Variants in CCSER1 observed in about 807,000 individuals in gnomAD.
CCSER1 encodes coiled-coil serine rich protein 1.
CCSER1 carries 41 observed loss-of-function variants against 82.0 expected under a neutral mutation model. The ratio of observed to expected loss-of-function variants is 0.50; its 90% confidence interval spans 0.39 to 0.65. The LOEUF (loss-of-function observed/expected upper bound fraction) is 0.65. CCSER1 is among the 30% of genes least tolerant of loss of function. The pLI, the probability that CCSER1 is intolerant of heterozygous loss-of-function variation, is 0.00. For missense variants in CCSER1, 1,119 were observed against 1,064.2 expected, an observed-to-expected ratio of 1.05 and a Z score of -0.72; for synonymous variants, 414 against 383.9, an observed-to-expected ratio of 1.08 and a Z score of -0.92.
At chr4:90,467,195 G>A (rs1292993474) in intron 4 of CCSER1, among the ~76,000 whole-genome samples, 2 of 152,110 alleles carry the variant, frequency 1.3e-5, no homozygotes, top group East Asian at 3.9e-4. Flanking sequence ...GACCATCCTG[G>A]CCAACATGGT....
At position 90,622,909 on chromosome 4, in the gene CCSER1, C is replaced by G. The variant is rs371903878; in HGVS notation, c.1725-5116C>G. On this transcript the variant is annotated intron_variant, in intron 5 of 10. Transcript: ENST00000509176. ...CAGTGTAAAAGTGTCCCTATTTCTC[C>G]ACATCCTCTCCAGCACCTGTTGTTT... 5.2e-3 allele frequency among the ~76,000 whole-genome samples: 797 copies of G among 152,244 alleles called. 7 individuals carry two copies. Among genetic ancestry groups the G allele is most frequent in the African/African-American group, 0.017 (726 of 41,528 alleles).
rs372523882 is a variant in CCSER1, at chr4:91,577,940, C to T, written c.2218-20632C>T. Among the ~76,000 whole-genome samples, 52 of 151,980 alleles carry T rather than the reference C, an allele frequency of 3.4e-4. 1 individual carries two copies. The South Asian group carries it at 0.01, about 30-fold the overall frequency. On this transcript the variant is annotated intron_variant, in intron 10 of 10. Coordinates refer to ENST00000509176, the MANE Select transcript of CCSER1 (RefSeq NM_001145065.2). ...CTGATTAAAAAAAAAAGTTCTTGGACATTTTATGTCAATGTTTAAAATGCC... is the reference window on the plus strand; with the variant it reads ...CTGATTAAAAAAAAAAGTTCTTGGATATTTTATGTCAATGTTTAAAATGCC...
intron 10 of CCSER1, among the ~76,000 whole-genome samples, chr4:91,107,476 G>C (rs569979974): frequency 6.6e-6 from 1 of 151,958 alleles, no homozygotes; most frequent in African/African-American, 2.4e-5. Context: ...AGGATGGTCT[G>C]AATCTCCTGA....
chr4:90,945,007 A>G (rs1422995350), intron 9 of CCSER1, among the ~76,000 whole-genome samples: 1 of 152,122 alleles, frequency 6.6e-6, no homozygotes, highest in Non-Finnish European at 1.5e-5. Flanking sequence ...GACCACAGTT[A>G]TTTTGGTTTC....
At chr4:90,393,786 T>A (rs891236706) in intron 3 of CCSER1, among the ~76,000 whole-genome samples, 17 of 147,946 alleles carry the variant, frequency 1.1e-4, no homozygotes, top group African/African-American at 4.0e-4. Flanking sequence ...TTTTTTTTTT[T>A]TTTTTTTTGG....
At chr4:90,944,615 T>C (rs1448597043) in intron 9 of CCSER1, among the ~76,000 whole-genome samples, 1 of 152,180 alleles carries the variant, frequency 6.6e-6, no homozygotes, top group African/African-American at 2.4e-5. Context: ...AATATCTCTA[T>C]TTTATATCCC....
At chr4:91,414,062 A>C (rs1379251074) in intron 10 of CCSER1, among the ~76,000 whole-genome samples, 1 of 152,184 alleles carries the variant, frequency 6.6e-6, no homozygotes, top group Non-Finnish European at 1.5e-5. Context: ...GAGTTGAAAC[A>C]AAATGCTGCT....
At chr4:91,127,828 G>A (rs1727646626) in intron 10 of CCSER1, among the ~76,000 whole-genome samples, 1 of 152,026 alleles carries the variant, frequency 6.6e-6, no homozygotes, top group East Asian at 1.9e-4. Context: ...CCTACTGGGT[G>A]TAAGGCACTG....
intron 5 of CCSER1, among the ~76,000 whole-genome samples, chr4:90,509,736 C>A (rs1337539510): frequency 6.6e-6 from 1 of 152,068 alleles, no homozygotes; most frequent in Non-Finnish European, 1.5e-5. Context: ...TGAATTACAG[C>A]AGAATGATGG....
chr4:91,595,943 T>TAAAAAAAAAAAAAAAAAA (rs1170927227), intron 10 of CCSER1, among the ~76,000 whole-genome samples: 4 of 78,886 alleles, frequency 5.1e-5, no homozygotes, highest in Admixed American at 1.4e-4. Context: ...ACAGAGAACT[T>TAAAAAAAAAAAAAAAAAA]AAAAAAAAAA....
chr4:91,302,570 A>G (rs1744750812), intron 10 of CCSER1, among the ~76,000 whole-genome samples: 1 of 152,000 alleles, frequency 6.6e-6, no homozygotes, highest in South Asian at 2.1e-4. Flanking sequence ...AGCCTTCTAC[A>G]TAAACTCTCT....
At chr4:91,021,357 G>T (rs1739946934) in intron 9 of CCSER1, among the ~76,000 whole-genome samples, 1 of 151,960 alleles carries the variant, frequency 6.6e-6, no homozygotes, top group Non-Finnish European at 1.5e-5. Flanking sequence ...AAAAAAATTA[G>T]AAATGACAGA....
intron 10 of CCSER1, among the ~76,000 whole-genome samples, chr4:91,404,018 T>C (rs1396510370): frequency 1.3e-5 from 2 of 152,192 alleles, no homozygotes; most frequent in African/African-American, 4.8e-5. Context: ...TGTGAATCCA[T>C]CTGGTCCTGG....
rs1209684806 is a variant in CCSER1 at position 91,600,493 on chromosome 4, A to T, written c.*1436A>T. 4.6e-5 allele frequency: 7 copies of T among 152,158 alleles called. No homozygotes were observed. The highest frequency in any genetic ancestry group is 4.6e-4 in the Admixed American group (7 of 15,252). The allele number at this position is 152,158 out of a possible 1,614,324, so 9.4% of individuals were successfully genotyped here. ...TGTTTCCCTTGCATTTTCTAACAGA[A>T]TCTGTCAGCGTGCACAAGCAAGATG... On this transcript the variant is annotated 3_prime_UTR_variant, in exon 11 of 11. Transcript: ENST00000509176.
chr4:91,130,907 T>G (rs1252837313), intron 10 of CCSER1, among the ~76,000 whole-genome samples: 1 of 151,696 alleles, frequency 6.6e-6, no homozygotes, highest in Non-Finnish European at 1.5e-5. Flanking sequence ...TGTATATGTA[T>G]TTTTTCCCAT....
intron 10 of CCSER1, among the ~76,000 whole-genome samples, chr4:91,541,293 T>C (rs1042908413): frequency 3.1e-4 from 47 of 152,226 alleles, no homozygotes; most frequent in African/African-American, 1.0e-3. Context: ...GTTTGTTACA[T>C]ATGTATACAT....
intron 9 of CCSER1, among the ~76,000 whole-genome samples, chr4:91,008,294 G>C (rs554422743): frequency 1.3e-5 from 2 of 152,230 alleles, no homozygotes; most frequent in South Asian, 4.1e-4. Context: ...CTGTCTGGTT[G>C]ACAGTGGAAT....
intron 1 of CCSER1, among the ~76,000 whole-genome samples, chr4:90,270,471 A>G (rs1293142340): frequency 6.6e-6 from 1 of 151,820 alleles, no homozygotes; most frequent in African/African-American, 2.4e-5. Flanking sequence ...TGTAAAAAAT[A>G]CTGGATATAG....
intron 1 of CCSER1, among the ~76,000 whole-genome samples, chr4:90,307,379 A>G (rs1184501104): frequency 6.6e-6 from 1 of 151,668 alleles, no homozygotes; most frequent in Non-Finnish European, 1.5e-5. Flanking sequence ...ATTTTCTTCA[A>G]CTGATACCTG....
Sources: allele counts gnomAD v4.1 joint callset (sites outside exome capture counted in the v4.1 genomes callset), GRCh38; gene constraint gnomAD v4.1.1; transcripts MANE v1.5; gene names NCBI Gene and HGNC (gene_info 2026-07-23, HGNC 2026-07-21).